The following CACNA1H variants were observed in gnomAD, a reference collection of about 807,000 sequenced individuals.
CACNA1H encodes calcium voltage-gated channel subunit alpha1 H.
A neutral mutation model predicts 192.5 loss-of-function variants in CACNA1H; 149 were observed. That is an observed-to-expected ratio of 0.77 (90% confidence interval 0.68 to 0.89). CACNA1H has a LOEUF of 0.89. Among genes scored for constraint, CACNA1H ranks in the 40% least tolerant of loss-of-function variants. The pLI, the probability that CACNA1H is intolerant of heterozygous loss-of-function variation, is 0.00. For missense variants in CACNA1H, 4,257 were observed against 3,423.5 expected (o/e 1.24, Z -6.08); for synonymous variants, 2,202 against 1,475.2 (o/e 1.49, Z -11.29).
At chr16:1,168,736 A>C (rs1402460959) in intron 2 of CACNA1H, among the ~76,000 whole-genome samples, 1 of 151,086 alleles carries the variant, frequency 6.6e-6, no homozygotes, top group East Asian at 2.0e-4. Context: ...ACCATGCCCC[A>C]CTCTGGGTGC....
chr16:1,184,542 G>C (rs947872070), intron 2 of CACNA1H, among the ~76,000 whole-genome samples: 1 of 152,246 alleles, frequency 6.6e-6, no homozygotes, highest in African/African-American at 2.4e-5. Context: ...CACGGATGCC[G>C]CATCAGCCTC....
chr16:1,203,121 G>A (rs1596414777), intron 9 of CACNA1H, among the ~76,000 whole-genome samples: 1 of 152,134 alleles, frequency 6.6e-6, no homozygotes, highest in Non-Finnish European at 1.5e-5. Flanking sequence ...CGAGGGTGCC[G>A]GGATGCTGTG....
chr16:1,217,368 A>C (rs752297197), intron 31 of CACNA1H, among the ~76,000 whole-genome samples: 2 of 152,192 alleles, frequency 1.3e-5, no homozygotes, highest in Admixed American at 1.3e-4. Context: ...CCAGGAGACA[A>C]ATGTTGGCTG....
At position 1,194,877 on chromosome 16, in the gene CACNA1H, G is replaced by A. The variant is rs9936834; in HGVS notation, c.300-95G>A. ...TGGACACCCCCACGCGCGCACACCC[G>A]TGGCGGGGCTCCGGCTGACCGGGTG... On this transcript the variant is annotated intron_variant, in intron 2 of 34. Coordinates refer to ENST00000348261, the MANE Select transcript of CACNA1H (RefSeq NM_021098.3). 0.86 allele frequency: 784,571 copies of A among 911,330 alleles called. 339,516 individuals carry two copies. Among genetic ancestry groups the A allele is most frequent in the East Asian group, 1 (40,827 of 40,854 alleles). The allele number at this position is 911,330 out of a possible 1,614,324, so 56.5% of individuals were successfully genotyped here. A position where few individuals can be genotyped will look rare whatever the true frequency, so the allele number is the denominator to read the frequency against.
At chr16:1,185,607 G>A (rs1596353001) in intron 2 of CACNA1H, among the ~76,000 whole-genome samples, 1 of 438 alleles carries the variant, frequency 2.3e-3, no homozygotes, top group African/African-American at 0.011. Context: ...AGCGTGCGTA[G>A]GGGCCGGAGG....
At position 1,220,917 on chromosome 16, in the gene CACNA1H, C is replaced by A; in HGVS notation, c.6985C>A (p.Pro2329Thr). ...EKRRGLYLTV[P>T]QCPLEKPGSP... is the part of the protein sequence containing the mutation. ...GAGGCGGGGGCTGTACCTCACAGTCCCCCAGTGTCCTCTGGAGAAACCAGG... is the reference window on the plus strand; with the variant it reads ...GAGGCGGGGGCTGTACCTCACAGTCACCCAGTGTCCTCTGGAGAAACCAGG... Residue 2329 changes from proline (P) to threonine (T), a missense_variant, in exon 35 of 35, where the codon CCC becomes ACC. Pro to Thr is a conservative substitution (Grantham distance 38, BLOSUM62 -1). Transcript: ENST00000348261. 6.2e-7 allele frequency: 1 copy of A among 1,611,404 alleles called. No individual in the cohort carries two copies.
At position 1,207,292 on chromosome 16, in the gene CACNA1H, C is replaced by T. The variant is rs772430013; in HGVS notation, c.2925C>T (p.Asp975=). The change falls in exon 14 of 35, where the codon GAC becomes GAT. Residue 975 remains aspartate (D), a synonymous_variant. Coordinates refer to ENST00000348261, the MANE Select transcript of CACNA1H (RefSeq NM_021098.3). ...TCCCCCAGATCCTGACCCAGGAGGACTGGAACGTGGTCCTGTACAACGGCA... is the reference window on the plus strand; with the variant it reads ...TCCCCCAGATCCTGACCCAGGAGGATTGGAACGTGGTCCTGTACAACGGCA... The part of the protein sequence containing the change: ...VTVFQILTQE[D]WNVVLYNGMA... The T allele has an allele frequency of 3.1e-6, 5 of 1,609,746 alleles. No individual in the cohort carries two copies. The highest frequency in any genetic ancestry group is 2.5e-6 in the Non-Finnish European group (3 of 1,178,090).
intron 2 of CACNA1H, among the ~76,000 whole-genome samples, chr16:1,194,676 G>A (rs182557449): frequency 2.0e-4 from 31 of 152,294 alleles, no homozygotes; most frequent in Admixed American, 2.0e-3. Flanking sequence ...CTACCGATGC[G>A]GCCAGCCCAC....
At position 1,201,673 on chromosome 16, in the gene CACNA1H, T is replaced by C. The variant is rs760258010; in HGVS notation, c.1223T>C (p.Phe408Ser). The C allele has an allele frequency of 8.8e-6, 14 of 1,598,216 alleles. No homozygotes were observed. The highest frequency in any genetic ancestry group is 3.4e-6 in the Non-Finnish European group (4 of 1,170,572). Residue 408 changes from phenylalanine (F) to serine (S), a missense_variant, in exon 9 of 35, where the codon TTC (phenylalanine) becomes TCC (serine). Physicochemically the swap from Phe to Ser is radical, Grantham distance 155. Coordinates refer to ENST00000348261, the MANE Select transcript of CACNA1H (RefSeq NM_021098.3). ...YFILLIIVGS[F>S]FMINLCLVVI... ...CCGCCCCCGTCACAGGTGGGCTCCT[T>C]CTTCATGATCAACCTGTGCCTGGTG...
At position 1,201,810 on chromosome 16, in the gene CACNA1H, G is replaced by C. The variant is rs375841401; in HGVS notation, c.1360G>C (p.Gly454Arg). Reference protein sequence around the residue: ...DSTLASFSEPGSCYEELLKYV... With the variant: ...DSTLASFSEPRSCYEELLKYV... ...CACGCTGGCCAGCTTCTCCGAGCCTGGCAGCTGCTACGAAGAGCTGCTGAA... is the reference window on the plus strand; with the variant it reads ...CACGCTGGCCAGCTTCTCCGAGCCTCGCAGCTGCTACGAAGAGCTGCTGAA... Residue 454 changes from glycine (G) to arginine (R), a missense_variant, in exon 9 of 35, where the codon GGC (glycine) becomes CGC (arginine). Coordinates refer to ENST00000348261, the MANE Select transcript of CACNA1H (RefSeq NM_021098.3). 3.1e-6 allele frequency: 5 copies of C among 1,588,198 alleles called. No individual in the cohort carries two copies. The highest frequency in any genetic ancestry group is 4.3e-6 in the Non-Finnish European group (5 of 1,168,276).
intron 2 of CACNA1H, chr16:1,157,563 G>T (rs1962589260): frequency 6.6e-6 from 1 of 152,298 alleles, no homozygotes; most frequent in African/African-American, 2.4e-5. Context: ...GAAAGGGCCA[G>T]TCCCGCCTGC....
intron 2 of CACNA1H, among the ~76,000 whole-genome samples, chr16:1,159,186 G>A (rs1230810378): frequency 2.0e-5 from 3 of 152,212 alleles, no homozygotes; most frequent in African/African-American, 4.8e-5. Flanking sequence ...CAGAGTGCCC[G>A]GGTGTCCGTA....
chr16:1,206,089 C>G lies in CACNA1H; in HGVS notation c.2604-15C>G. ...GATCGTGGCCCCGCTGACCCTCGCC[C>G]CCACCTGTCCGCAGCGTCTGGGAGA... On this transcript the variant is annotated splice_polypyrimidine_tract_variant and intron_variant, in intron 11 of 34. Coordinates refer to ENST00000348261, the MANE Select transcript of CACNA1H (RefSeq NM_021098.3). 6.4e-7 allele frequency: 1 copy of G among 1,556,120 alleles called. No individual in the cohort carries two copies. The highest frequency in any genetic ancestry group is 8.7e-7 in the Non-Finnish European group (1 of 1,153,810).
rs548937660 is a variant in CACNA1H, at chr16:1,196,547, A to G, written c.643+524A>G. Among the ~76,000 whole-genome samples, 44 of 152,326 alleles carry G rather than the reference A, an allele frequency of 2.9e-4. 1 individual carries two copies. Among genetic ancestry groups the G allele is most frequent in the African/African-American group, 1.1e-3 (44 of 41,588 alleles). On this transcript the variant is annotated intron_variant, in intron 5 of 34. Transcript: ENST00000348261. Reference sequence around the variant, plus strand: ...TGCTTCTGGCCCCTACTCTCCTGCCAGGATCCCCACCTAAGGAAAGGGGAA... The same window carrying G: ...TGCTTCTGGCCCCTACTCTCCTGCCGGGATCCCCACCTAAGGAAAGGGGAA...
rs1185476759 is a variant in CACNA1H, at chr16:1,167,538, C to A, written c.299+13502C>A. Among the ~76,000 whole-genome samples the A allele has an allele frequency of 1.3e-5, 2 of 152,174 alleles. No individual in the cohort carries two copies. Among genetic ancestry groups the A allele is most frequent in the Non-Finnish European group, 2.9e-5 (2 of 68,028 alleles). ...AATGAATCTCTGGGGTTTCCTGTTA[C>A]CTTTGCCAAGTCGAGGAAGGCTGGA... is the stretch of plus-strand genomic sequence containing the variant. On this transcript the variant is annotated intron_variant, in intron 2 of 34. Coordinates refer to ENST00000348261, the MANE Select transcript of CACNA1H (RefSeq NM_021098.3). This position sits in a 1 kb window ranked among gnomAD's most constrained non-coding sequence, Gnocchi z 4.2.
chr16:1,165,579 TCAGGCAGCAC>T (rs1345761362), intron 2 of CACNA1H, among the ~76,000 whole-genome samples: 1 of 152,062 alleles, frequency 6.6e-6, no homozygotes, highest in East Asian at 1.9e-4. Context: ...GCATGGGAAT[TCAGGCAGCAC>T]AAGCCGGCCC....
At chr16:1,207,941 C>T (rs1968943368) in intron 15 of CACNA1H, 72 bp from the exon 16 acceptor site, 5 of 1,541,216 alleles carry the variant, frequency 3.2e-6, no homozygotes, top group Non-Finnish European at 4.4e-6. Flanking sequence ...ATAAGGCAAT[C>T]CCTAGGTTGG....
Position 1,204,310 on chromosome 16 carries a change from C to T in CACNA1H, c.2303C>T (p.Ala768Val), listed in dbSNP as rs957641440. Reference protein sequence around the residue: ...SPQRRAQQRAAPGEPGWMGRL... With the variant: ...SPQRRAQQRAVPGEPGWMGRL... ...CAGCGGCGGGCACAGCAGAGGGCAG[C>T]CCCGGGCGAGCCAGGCTGGATGGGC... Residue 768 changes from alanine to valine, a missense_variant, in exon 10 of 35, where the codon GCC (alanine) becomes GTC (valine). Coordinates refer to ENST00000348261, the MANE Select transcript of CACNA1H (RefSeq NM_021098.3). 8.8e-6 allele frequency: 14 copies of T among 1,599,984 alleles called. No individual in the cohort carries two copies. The highest frequency in any genetic ancestry group is 1.3e-5 in the African/African-American group (1 of 74,592).
chr16:1,164,849 A>G (rs1323892928), intron 2 of CACNA1H, among the ~76,000 whole-genome samples: 2 of 151,688 alleles, frequency 1.3e-5, no homozygotes, highest in African/African-American at 4.8e-5. Context: ...TGGGGTCTGG[A>G]GGAGGTGTGG....
Sources: gnomAD v4.1 joint callset for allele counts (sites outside exome capture counted in the v4.1 genomes callset) on GRCh38, gnomAD v4.1.1 for gene constraint, Gnocchi (gnomAD v3.1) non-coding constraint, MANE v1.5 for transcripts, NCBI Gene and HGNC (gene_info 2026-07-23, HGNC 2026-07-21) for gene names.